COL14A1: variants seen among roughly 807,000 people sequenced by gnomAD.
COL14A1 encodes the protein collagen type XIV alpha 1 chain, also known as collagen alpha-1(XIV) chain.
COL14A1 carries 136 observed loss-of-function variants against 230.3 expected under a neutral mutation model. That is an observed-to-expected ratio of 0.59 (90% CI 0.51 to 0.68). The LOEUF (loss-of-function observed/expected upper bound fraction) is 0.68. COL14A1 is among the 30% of genes least tolerant of loss of function. The probability of loss-of-function intolerance (pLI) is 0.00; values close to 1 mark genes in which losing one functional copy is unlikely to be tolerated. For synonymous variants in COL14A1, 792 were observed against 784.1 expected, an observed-to-expected ratio of 1.01 and a Z score of -0.17; for missense variants, 1,976 against 2,215.8, an observed-to-expected ratio of 0.89 and a Z score of 2.17.
intron 42 of COL14A1, among the ~76,000 whole-genome samples, chr8:120,334,470 A>T (rs1337441022): frequency 6.6e-6 from 1 of 152,064 alleles, no homozygotes; most frequent in African/African-American, 2.4e-5. Context: ...CTTTATCTTC[A>T]CACATCTTTC....
intron 14 of COL14A1, among the ~76,000 whole-genome samples, chr8:120,221,545 TACAC>T (rs908974335): frequency 2.3e-5 from 3 of 129,570 alleles, no homozygotes; most frequent in Non-Finnish European, 1.6e-5. Flanking sequence ...TTTTAACAGA[TACAC>T]ACACACACAT....
chr8:120,216,773 G>C (rs975163776), intron 14 of COL14A1, among the ~76,000 whole-genome samples: 3 of 152,194 alleles, frequency 2.0e-5, no homozygotes, highest in Non-Finnish European at 4.4e-5. Context: ...GCCTGGAACA[G>C]CTGGGAGCTG....
At chr8:120,274,479 C>A (rs949253724) in intron 26 of COL14A1, among the ~76,000 whole-genome samples, 12 of 151,666 alleles carry the variant, frequency 7.9e-5, no homozygotes, top group African/African-American at 1.2e-4. Flanking sequence ...CTAGCCAGAG[C>A]AATCAGGCAA....
At chr8:120,368,559 C>A (rs1176702648) in intron 46 of COL14A1, among the ~76,000 whole-genome samples, 1 of 150,548 alleles carries the variant, frequency 6.6e-6, no homozygotes, top group South Asian at 2.1e-4. Flanking sequence ...TTGAAGAATG[C>A]CTTTTCAACA....
At chr8:120,160,769 C>T (rs1289173442) in intron 3 of COL14A1, among the ~76,000 whole-genome samples, 1 of 152,134 alleles carries the variant, frequency 6.6e-6, no homozygotes, top group African/African-American at 2.4e-5. Flanking sequence ...TTGTTTCTGC[C>T]AGCCTTTCTG....
chr8:120,313,401 C>T (rs997241430), intron 37 of COL14A1, among the ~76,000 whole-genome samples: 13 of 151,906 alleles, frequency 8.6e-5, no homozygotes, highest in Non-Finnish European at 4.4e-5. Context: ...AATACTAAGC[C>T]GAGGGAAGGT....
chr8:120,157,405 A>G (rs182622574), intron 2 of COL14A1, among the ~76,000 whole-genome samples: 13 of 152,336 alleles, frequency 8.5e-5, no homozygotes, highest in Non-Finnish European at 1.3e-4. Flanking sequence ...TTGAATTACC[A>G]AAGTGAAAAA....
chr8:120,232,911 A>T (rs930128116), intron 19 of COL14A1, among the ~76,000 whole-genome samples: 2 of 152,180 alleles, frequency 1.3e-5, no homozygotes, highest in Admixed American at 1.3e-4. Context: ...ATTTCTCCAC[A>T]TCCTCTCTAG....
At chr8:120,180,542 C>T (rs766629758) in intron 5 of COL14A1, among the ~76,000 whole-genome samples, 22 of 152,040 alleles carry the variant, frequency 1.4e-4, no homozygotes, top group Non-Finnish European at 2.5e-4. Context: ...ATCCAGTATC[C>T]GTTGCTCTCT....
intron 2 of COL14A1, among the ~76,000 whole-genome samples, chr8:120,150,003 T>G (rs1342166581): frequency 6.6e-6 from 1 of 152,206 alleles, no homozygotes; most frequent in Non-Finnish European, 1.5e-5. Context: ...CACCAAATTC[T>G]GTTTTAAGTG....
chr8:120,359,726 G>A (rs910204764), intron 45 of COL14A1, among the ~76,000 whole-genome samples: 2 of 152,098 alleles, frequency 1.3e-5, no homozygotes, highest in Non-Finnish European at 2.9e-5. Context: ...TAGTGTCAGC[G>A]GCAAAACTGG....
In COL14A1 at chr8:120,372,741, C is replaced by G. The variant is rs554757298; in HGVS notation, c.*1510C>G. Among the ~76,000 whole-genome samples, 137 of 149,428 alleles carry G rather than the reference C, an allele frequency of 9.2e-4. No individual in the cohort carries two copies. The highest frequency in any genetic ancestry group is 3.2e-3 in the African/African-American group (132 of 41,038). ...ATGAAAGATCTCCTTTCATCTTCAT[C>G]TGAAGGATTCTTCAGATGATTCATC... On this transcript the variant is annotated 3_prime_UTR_variant, in exon 48 of 48. Transcript: ENST00000297848.
chr8:120,154,928 T>C (rs1206677315), intron 2 of COL14A1, among the ~76,000 whole-genome samples: 3 of 152,224 alleles, frequency 2.0e-5, no homozygotes, highest in Non-Finnish European at 4.4e-5. Context: ...CCTGCCGCCC[T>C]TGCTTTGGCT....
intron 3 of COL14A1, 90 bp downstream of exon 3, chr8:120,158,336 A>AT: frequency 1.3e-6 from 1 of 778,126 alleles, no homozygotes; most frequent in East Asian, 2.6e-5. Flanking sequence ...TTGTGTTAGG[A>AT]TTTTTTGGAA....
At chr8:120,245,585 C>CA (rs1471480053) in intron 20 of COL14A1, among the ~76,000 whole-genome samples, 2 of 152,126 alleles carry the variant, frequency 1.3e-5, no homozygotes, top group African/African-American at 4.8e-5. Context: ...TCATATCTCA[C>CA]AATTGTTTGG....
At chr8:120,282,379 A>G (rs1388681018) in intron 31 of COL14A1, among the ~76,000 whole-genome samples, 1 of 152,188 alleles carries the variant, frequency 6.6e-6, no homozygotes, top group African/African-American at 2.4e-5. Context: ...GATATACTCC[A>G]AAATAATGCT....
At chr8:120,350,824 TCAA>T (rs1300860449) in intron 45 of COL14A1, among the ~76,000 whole-genome samples, 3 of 151,704 alleles carry the variant, frequency 2.0e-5, no homozygotes, top group Non-Finnish European at 2.9e-5. Context: ...ATTAGACAGA[TCAA>T]CGAGACAGAA....
intron 45 of COL14A1, among the ~76,000 whole-genome samples, chr8:120,361,443 A>G (rs967407723): frequency 4.6e-5 from 7 of 152,356 alleles, no homozygotes; most frequent in African/African-American, 1.7e-4. Context: ...ATGCAGAAAT[A>G]GCAGAGCTTA....
Position 120,371,622 on chromosome 8 carries a change from A to G in COL14A1, c.*391A>G, listed in dbSNP as rs981922592. On this transcript the variant is annotated 3_prime_UTR_variant, in exon 48 of 48. Transcript: ENST00000297848. ...TATGTCCCTAGCAGGAAAAGAATTC[A>G]AAGAGGTTCAAAGAATATGTCACTT... 1 of 398,550 alleles carries G rather than the reference A, an allele frequency of 2.5e-6. No individual in the cohort carries two copies. The highest frequency in any genetic ancestry group is 4.4e-6 in the Non-Finnish European group (1 of 225,896). The allele number at this position is 398,550 out of a possible 1,614,324, so 24.7% of individuals were successfully genotyped here. A position where few individuals can be genotyped will look rare whatever the true frequency, so the allele number is the denominator to read the frequency against.
Sources: gnomAD v4.1 joint callset for allele counts (sites outside exome capture counted in the v4.1 genomes callset) on GRCh38, gnomAD v4.1.1 for gene constraint, MANE v1.5 for transcripts, NCBI Gene and HGNC (gene_info 2026-07-23, HGNC 2026-07-21) for gene names.